The following GPX2 variants were observed in gnomAD, a reference collection of about 807,000 sequenced individuals.
GPX2 encodes the protein gastrointestinal glutathione peroxidase.
Under a neutral mutation model 14.1 loss-of-function variants are expected in GPX2, and 21 were observed. The observed-to-expected ratio is 1.48, with a 90% confidence interval of 1.05 to 2.14. GPX2 has a LOEUF of 2.14. Ranked by LOEUF, GPX2 falls within the 30% of genes most tolerant of loss-of-function variation. The pLI is 0.00. For synonymous variants in GPX2, 94 were observed against 95.2 expected (o/e 0.99, Z 0.07); for missense variants, 241 against 249.8 (o/e 0.96, Z 0.24).
At chr14:64,942,032 A>G (rs953342695) in intron 1 of GPX2, among the ~76,000 whole-genome samples, 25 of 152,178 alleles carry the variant, frequency 1.6e-4, no homozygotes, top group Admixed American at 1.6e-3. Flanking sequence ...ATTATCCCCA[A>G]TTTACAGATG....
Position 64,939,912 on chromosome 14 carries a change from C to A in GPX2, c.223-74G>T. 6.5e-7 allele frequency: 1 copy of A among 1,530,626 alleles called. No individual in the cohort carries two copies. Among genetic ancestry groups the A allele is most frequent in the South Asian group, 1.3e-5 (1 of 79,512 alleles). 94.8% of individuals were successfully genotyped at this position (1,530,626 alleles called of 1,614,324 possible). On this transcript the variant is annotated intron_variant, in intron 1 of 1. Transcript: ENST00000389614. The surrounding 1 kb of genome is among the most constrained non-coding windows in gnomAD (Gnocchi z 5.7). ...AAAGATCCACAACATGAAACTCTTT[C>A]ACCCTCCTACACTCCCTCCCCAGGG...
intron 1 of GPX2, chr14:64,941,435 T>TGCTA: frequency 1.6e-6 from 2 of 1,288,260 alleles, no homozygotes; most frequent in Non-Finnish European, 2.0e-6. Flanking sequence ...TCCAGCAACT[T>TGCTA]GCTAGGCTGA....
chr14:64,941,601 G>A, intron 1 of GPX2: 1 of 1,172,382 alleles, frequency 8.5e-7, no homozygotes, highest in Non-Finnish European at 1.1e-6. Flanking sequence ...GTTTGTCACA[G>A]CCAGTGATGC....
intron 1 of GPX2, among the ~76,000 whole-genome samples, chr14:64,941,997 A>G (rs899954680): frequency 5.9e-5 from 9 of 152,236 alleles, no homozygotes; most frequent in African/African-American, 2.2e-4. Context: ...CCTAAACATC[A>G]TAATAATCCT....
rs2139938848 is a variant in GPX2 at position 64,939,664 on chromosome 14, G to A, written c.397C>T (p.Leu133Phe). The A allele has an allele frequency of 6.2e-7, 1 of 1,614,154 alleles. No homozygotes were observed. Residue 133 changes from leucine (L) to phenylalanine (F), a missense_variant, in exon 2 of 2, where the codon CTC becomes TTC. Transcript: ENST00000389614. The surrounding 1 kb of genome is among the most constrained non-coding windows in gnomAD (Gnocchi z 5.7). ...LPYPYDDPFS[L>F]MTDPKLIIWS... ...ATGATGAGCTTGGGATCGGTCATGA[G>A]GGAAAATGGGTCATCATAAGGGTAG...
In GPX2 at chr14:64,939,252, C is replaced by T. The variant is rs1286689941; in HGVS notation, c.*236G>A. On this transcript the variant is annotated 3_prime_UTR_variant, in exon 2 of 2. Coordinates refer to ENST00000389614, the MANE Select transcript of GPX2 (RefSeq NM_002083.4). The surrounding 1 kb of genome is among the most constrained non-coding windows in gnomAD (Gnocchi z 5.7). ...CACCCATGAGGGTTTAGGAAGGTGCCATCATTCTGTGAAGGCCCAGAGCTT... is the reference window on the plus strand; with the variant it reads ...CACCCATGAGGGTTTAGGAAGGTGCTATCATTCTGTGAAGGCCCAGAGCTT... The T allele has an allele frequency of 3.8e-6, 2 of 530,440 alleles. No homozygotes were observed. The highest frequency in any genetic ancestry group is 6.8e-6 in the Non-Finnish European group (2 of 294,232). 32.9% of individuals were successfully genotyped at this position (530,440 alleles called of 1,614,324 possible).
Position 64,942,695 on chromosome 14 carries a change from A to G in GPX2, c.32T>C (p.Leu11Pro). ...CTCCCCATCCAGGCTGATGGCACTG[A>G]GGTCATAGAAGGACTTGGCAATGAA... The part of the protein sequence containing the change: MAFIAKSFYD[L>P]SAISLDGEKV... The change falls in exon 1 of 2, where the codon CTC becomes CCC. Residue 11 changes from leucine (L) to proline (P), a missense_variant. Physicochemically the swap from Leu to Pro is moderately conservative, Grantham distance 98. Coordinates refer to ENST00000389614, the MANE Select transcript of GPX2 (RefSeq NM_002083.4). The G allele has an allele frequency of 1.2e-6, 2 of 1,614,146 alleles. No individual in the cohort carries two copies. Among genetic ancestry groups the G allele is most frequent in the Non-Finnish European group, 1.7e-6 (2 of 1,180,008 alleles).
chr14:64,939,744 TCA>T lies in GPX2; in HGVS notation c.315_316del (p.Cys105Ter), dbSNP rs1885511508. On this transcript the variant is annotated stop_gained and frameshift_variant, in exon 2 of 2. Transcript: ENST00000389614. LOFTEE classifies it high-confidence loss of function. The surrounding 1 kb of genome is among the most constrained non-coding windows in gnomAD (Gnocchi z 5.7). ...AGGATGCTCGTTCTGCCCATTCACC[TCA>T]CATTTTTGGACAAGGGTGAAGGTGG... The T allele has an allele frequency of 6.2e-7, 1 of 1,613,894 alleles. No homozygotes were observed. The highest frequency in any genetic ancestry group is 8.5e-7 in the Non-Finnish European group (1 of 1,180,006).
At position 64,939,840 on chromosome 14, in the gene GPX2, T is replaced by C. The variant is rs1566836143; in HGVS notation, c.223-2A>G. ...GATCTCCTCATTCTGACAGTTCTCC[T>C]AGGGGAGGAAAAAGACAAAGTGCGT... On this transcript the variant is annotated splice_acceptor_variant, in intron 1 of 1. Coordinates refer to ENST00000389614, the MANE Select transcript of GPX2 (RefSeq NM_002083.4). LOFTEE classifies it high-confidence loss of function. The surrounding 1 kb of genome is among the most constrained non-coding windows in gnomAD (Gnocchi z 5.7). The C allele has an allele frequency of 3.1e-6, 5 of 1,612,032 alleles. No individual in the cohort carries two copies. The South Asian group carries it at 3.3e-5, about 11-fold the overall frequency.
Position 64,939,932 on chromosome 14 carries a change from C to G in GPX2, c.223-94G>C. 1.3e-6 allele frequency: 2 copies of G among 1,493,802 alleles called. No individual in the cohort carries two copies. The highest frequency in any genetic ancestry group is 2.7e-5 in the South Asian group (2 of 74,488). 92.5% of individuals were successfully genotyped at this position (1,493,802 alleles called of 1,614,324 possible). A position where few individuals can be genotyped will look rare whatever the true frequency, so the allele number is the denominator to read the frequency against. On this transcript the variant is annotated intron_variant, in intron 1 of 1. Transcript: ENST00000389614. This position sits in a 1 kb window ranked among gnomAD's most constrained non-coding sequence, Gnocchi z 5.7. ...TCTTTCACCCTCCTACACTCCCTCC[C>G]CAGGGTCATTCTTTTTCACTGTGAA...
Position 64,940,235 on chromosome 14 carries a change from C to T in GPX2, c.223-397G>A, listed in dbSNP as rs1329701190. Reference sequence around the variant, plus strand: ...TGAAGCAGAAGAAAGAGAAAAGAGGCTTAGGTTATACTGCTTAGAACCTCC... The same window carrying T: ...TGAAGCAGAAGAAAGAGAAAAGAGGTTTAGGTTATACTGCTTAGAACCTCC... On this transcript the variant is annotated intron_variant, in intron 1 of 1. Transcript: ENST00000389614. This position sits in a 1 kb window ranked among gnomAD's most constrained non-coding sequence, Gnocchi z 4.5. The T allele has an allele frequency of 1.6e-6, 2 of 1,253,904 alleles. No homozygotes were observed. The allele number at this position is 1,253,904 out of a possible 1,614,324, so 77.7% of individuals were successfully genotyped here. A position where few individuals can be genotyped will look rare whatever the true frequency, so the allele number is the denominator to read the frequency against.
At position 64,939,995 on chromosome 14, in the gene GPX2, C is replaced by T. The variant is rs1885539911; in HGVS notation, c.223-157G>A. On this transcript the variant is annotated intron_variant, in intron 1 of 1. Coordinates refer to ENST00000389614, the MANE Select transcript of GPX2 (RefSeq NM_002083.4). The surrounding 1 kb of genome is among the most constrained non-coding windows in gnomAD (Gnocchi z 5.7). ...AAGACAGACGAGGTGTTGCTCACTG[C>T]AGCCTTGAACTTCTGGGCTCAAGCA... 3 of 1,471,516 alleles carry T rather than the reference C, an allele frequency of 2.0e-6. No individual in the cohort carries two copies. In the East Asian group the frequency reaches 7.4e-5, roughly 36 times the overall value. The allele number at this position is 1,471,516 out of a possible 1,614,324, so 91.2% of individuals were successfully genotyped here.
In GPX2 at chr14:64,940,638, T is replaced by C. The variant is rs145825405; in HGVS notation, c.223-800A>G. Among the ~76,000 whole-genome samples, 459 of 152,304 alleles carry C rather than the reference T, an allele frequency of 3.0e-3. 4 individuals are homozygous for C. The highest frequency in any genetic ancestry group is 0.011 in the African/African-American group (438 of 41,570). ...ACCAACAGGCATGAAGTAAATAGGATACAGGATTTAGGGTTTGGCAATAGG... is the reference window on the plus strand; with the variant it reads ...ACCAACAGGCATGAAGTAAATAGGACACAGGATTTAGGGTTTGGCAATAGG... On this transcript the variant is annotated intron_variant, in intron 1 of 1. Coordinates refer to ENST00000389614, the MANE Select transcript of GPX2 (RefSeq NM_002083.4). This position sits in a 1 kb window ranked among gnomAD's most constrained non-coding sequence, Gnocchi z 4.5.
rs1343973786 is a variant in GPX2, at chr14:64,940,323, T to G, written c.223-485A>C. 4 of 534,568 alleles carry G rather than the reference T, an allele frequency of 7.5e-6. No individual in the cohort carries two copies. Among genetic ancestry groups the G allele is most frequent in the Non-Finnish European group, 6.7e-6 (2 of 300,236 alleles). The allele number at this position is 534,568 out of a possible 1,614,324, so 33.1% of individuals were successfully genotyped here. A position where few individuals can be genotyped will look rare whatever the true frequency, so the allele number is the denominator to read the frequency against. ...CATACCTACACACACACCCCTTTCCTTTCCTCTGCCCTGGTTTTGCCTCGC... is the reference window on the plus strand; with the variant it reads ...CATACCTACACACACACCCCTTTCCGTTCCTCTGCCCTGGTTTTGCCTCGC... On this transcript the variant is annotated intron_variant, in intron 1 of 1. Transcript: ENST00000389614. This position sits in a 1 kb window ranked among gnomAD's most constrained non-coding sequence, Gnocchi z 4.5.
chr14:64,939,523 G>A lies in GPX2; in HGVS notation c.538C>T (p.Pro180Ser). Residue 180 changes from proline (P) to serine (S), a missense_variant, in exon 2 of 2, where the codon CCT (proline) becomes TCT (serine). Coordinates refer to ENST00000389614, the MANE Select transcript of GPX2 (RefSeq NM_002083.4). This position sits in a 1 kb window ranked among gnomAD's most constrained non-coding sequence, Gnocchi z 5.7. The part of the protein sequence containing the change: ...SRTFPTINIE[P>S]DIKRLLKVAI The stretch of plus-strand genomic sequence containing the variant: ...ACTTTAAGGAGGCGCTTGATGTCAG[G>A]CTCAATGTTGATGGTTGGGAAGGTG... 2.5e-6 allele frequency: 4 copies of A among 1,614,140 alleles called. No individual in the cohort carries two copies. The highest frequency in any genetic ancestry group is 3.4e-6 in the Non-Finnish European group (4 of 1,180,016).
At chr14:64,941,397 G>A (rs1885630281) in intron 1 of GPX2, 4 of 1,284,286 alleles carry the variant, frequency 3.1e-6, no homozygotes, top group Non-Finnish European at 2.0e-6. Flanking sequence ...CAAATGGCTG[G>A]CTGGCTCCTG....
rs1000342706 is a variant in GPX2, at chr14:64,939,197, G to A, written c.*291C>T. 1.3e-5 allele frequency: 5 copies of A among 379,638 alleles called. No individual in the cohort carries two copies. Among genetic ancestry groups the A allele is most frequent in the Non-Finnish European group, 2.4e-5 (5 of 204,744 alleles). 23.5% of individuals were successfully genotyped at this position (379,638 alleles called of 1,614,324 possible). On this transcript the variant is annotated 3_prime_UTR_variant, in exon 2 of 2. Transcript: ENST00000389614. This position sits in a 1 kb window ranked among gnomAD's most constrained non-coding sequence, Gnocchi z 5.7. The stretch of plus-strand genomic sequence containing the variant: ...CTTTATTGGTCTCTTCTAGCAGAGT[G>A]GCTCCAGGCCCTTCACGCCTCTCAG...
chr14:64,941,841 C>T (rs528075500), intron 1 of GPX2, among the ~76,000 whole-genome samples: 1 of 152,174 alleles, frequency 6.6e-6, no homozygotes, highest in African/African-American at 2.4e-5. Context: ...GAGGCACGTG[C>T]CTTTTGAAAA....
chr14:64,942,559 G>A lies in GPX2; in HGVS notation c.168C>T (p.Arg56=). The change falls in exon 1 of 2, where the codon CGC becomes CGT. Residue 56 remains arginine (R), a synonymous_variant. Transcript: ENST00000389614. ...CAAGGACCACCAGGCGCCTGGGAAA[G>A]CGGCATTGCAGCTCGTTGAGCTGGG... The part of the protein sequence containing the change: ...DFTQLNELQC[R]FPRRLVVLGF... 1 of 1,614,252 alleles carries A rather than the reference G, an allele frequency of 6.2e-7. No homozygotes were observed. The highest frequency in any genetic ancestry group is 1.1e-5 in the South Asian group (1 of 91,092).
Sources: gnomAD v4.1 joint callset for allele counts (sites outside exome capture counted in the v4.1 genomes callset) on GRCh38, gnomAD v4.1.1 for gene constraint, Gnocchi (gnomAD v3.1) non-coding constraint, MANE v1.5 for transcripts, NCBI Gene and HGNC (gene_info 2026-07-23, HGNC 2026-07-21) for gene names.